KCNAB1: variants seen among roughly 807,000 people sequenced by gnomAD.
KCNAB1 encodes the protein potassium voltage-gated channel subfamily A regulatory beta subunit 1, also known as voltage-gated potassium channel subunit beta-1.
In KCNAB1, 35 loss-of-function variants were observed where a neutral mutation model predicts 64.6. The ratio of observed to expected loss-of-function variants is 0.54; its 90% CI spans 0.41 to 0.72. The LOEUF is 0.72. Among genes scored for constraint, KCNAB1 ranks in the 30% least tolerant of loss-of-function variants. KCNAB1 has a pLI of 0.00. For missense variants in KCNAB1, 401 were observed against 512.9 expected (o/e 0.78, Z 2.11); for synonymous variants, 177 against 183.8 (o/e 0.96, Z 0.30).
chr3:156,511,113 A>G (rs1559922667), intron 8 of KCNAB1, among the ~76,000 whole-genome samples: 1 of 150,724 alleles, frequency 6.6e-6, no homozygotes, highest in Non-Finnish European at 1.5e-5. Flanking sequence ...TTTATTTTTT[A>G]TTTTTTTTGA....
intron 8 of KCNAB1, among the ~76,000 whole-genome samples, chr3:156,512,511 C>G (rs964609519): frequency 1.3e-5 from 2 of 152,206 alleles, no homozygotes; most frequent in African/African-American, 2.4e-5. Flanking sequence ...ACAGCAGACA[C>G]CTAGTAGATA....
chr3:156,297,246 G>A (rs923391274), intron 1 of KCNAB1, among the ~76,000 whole-genome samples: 4 of 131,416 alleles, frequency 3.0e-5, no homozygotes, highest in African/African-American at 1.0e-4. Context: ...AACACAGTAT[G>A]TATTGAGGTT....
At chr3:156,463,809 A>G (rs1713129168) in intron 6 of KCNAB1, 63 bp downstream of exon 6, 1 of 1,335,898 alleles carries the variant, frequency 7.5e-7, no homozygotes, top group Non-Finnish European at 1.1e-6. Context: ...GCTGTTAGGC[A>G]GTTATTTTAC....
At chr3:156,267,052 C>A (rs1295997625) in intron 1 of KCNAB1, among the ~76,000 whole-genome samples, 1 of 151,858 alleles carries the variant, frequency 6.6e-6, no homozygotes, top group Non-Finnish European at 1.5e-5. Context: ...ACAATACTAA[C>A]AAAATAAAGG....
intron 1 of KCNAB1, among the ~76,000 whole-genome samples, chr3:156,391,843 T>C (rs1713065032): frequency 6.6e-6 from 1 of 152,222 alleles, no homozygotes; most frequent in Non-Finnish European, 1.5e-5. Flanking sequence ...GGCAGAGTGA[T>C]GGCACATGGG....
At chr3:156,140,948 G>A (rs1714671933) in intron 1 of KCNAB1, among the ~76,000 whole-genome samples, 1 of 152,114 alleles carries the variant, frequency 6.6e-6, no homozygotes, top group Admixed American at 6.5e-5. Context: ...TGGGAGGTGT[G>A]AGTGTGAAGC....
chr3:156,143,141 A>G (rs755902108), intron 1 of KCNAB1: 1 of 1,549,074 alleles, frequency 6.5e-7, no homozygotes, highest in Non-Finnish European at 8.7e-7. Context: ...AAAGTTAAGC[A>G]CCGTGCAATT....
intron 1 of KCNAB1, among the ~76,000 whole-genome samples, chr3:156,369,895 G>A (rs896083241): frequency 2.0e-5 from 3 of 152,140 alleles, no homozygotes; most frequent in Admixed American, 1.3e-4. Flanking sequence ...ATGGAGATTA[G>A]TTCTGAGACA....
intron 4 of KCNAB1, 55 bp downstream of exon 4, chr3:156,457,587 C>T (rs1712541152): frequency 1.4e-6 from 2 of 1,426,162 alleles, no homozygotes; most frequent in South Asian, 1.1e-5. Flanking sequence ...CCAAAAGAAT[C>T]AGCCCAGACC....
intron 12 of KCNAB1, among the ~76,000 whole-genome samples, chr3:156,527,754 G>A (rs1718423663): frequency 6.6e-6 from 1 of 152,112 alleles, no homozygotes; most frequent in Non-Finnish European, 1.5e-5. Context: ...AGAATCAAAA[G>A]GGAAATTATT....
intron 8 of KCNAB1, among the ~76,000 whole-genome samples, chr3:156,484,373 G>A (rs1715050250): frequency 1.3e-5 from 2 of 152,070 alleles, no homozygotes; most frequent in Non-Finnish European, 2.9e-5. Flanking sequence ...AGAAAAAAGA[G>A]AGAGAGAGAG....
chr3:156,500,461 G>A (rs1036829261), intron 8 of KCNAB1, among the ~76,000 whole-genome samples: 15 of 152,056 alleles, frequency 9.9e-5, no homozygotes, highest in Non-Finnish European at 1.9e-4. Context: ...ACATCAAGAA[G>A]TTAGAGACAT....
Position 156,459,872 on chromosome 3 carries a change from G to A in KCNAB1, c.482+1G>A. Reference sequence around the variant, plus strand: ...GCATCATCAAGAAGAAAGGCTGGAGGTATTGCATTCGCCATAATTATTTGT... The same window carrying A: ...GCATCATCAAGAAGAAAGGCTGGAGATATTGCATTCGCCATAATTATTTGT... On this transcript the variant is annotated splice_donor_variant, in intron 5 of 13. Transcript: ENST00000490337. LOFTEE classifies it high-confidence loss of function. 2.5e-6 allele frequency: 4 copies of A among 1,604,114 alleles called. No individual in the cohort carries two copies. The highest frequency in any genetic ancestry group is 3.4e-6 in the Non-Finnish European group (4 of 1,171,722).
rs998442902 is a variant in KCNAB1 at position 156,228,785 on chromosome 3, G to A, written c.275+107899G>A. On this transcript the variant is annotated intron_variant, in intron 1 of 13. Transcript: ENST00000490337. ...CAGCCACTATGTGATTCTCAGGATTGCTCTCCTCTTCTGACCACCCTATTT... is the reference window on the plus strand; with the variant it reads ...CAGCCACTATGTGATTCTCAGGATTACTCTCCTCTTCTGACCACCCTATTT... Among the ~76,000 whole-genome samples, 9 of 152,324 alleles carry A rather than the reference G, an allele frequency of 5.9e-5. No homozygotes were observed. In the South Asian group the frequency reaches 1.2e-3, roughly 21 times the overall value.
intron 1 of KCNAB1, among the ~76,000 whole-genome samples, chr3:156,240,709 C>G (rs1717114913): frequency 6.6e-6 from 1 of 152,158 alleles, no homozygotes; most frequent in East Asian, 1.9e-4. Flanking sequence ...AGTATATACT[C>G]AACGTTAACA....
intron 1 of KCNAB1, chr3:156,216,991 G>A (rs145769283): frequency 3.0e-4 from 46 of 152,268 alleles, no homozygotes; most frequent in African/African-American, 1.1e-3. Flanking sequence ...AACTAGAGTT[G>A]AACCGTACAA....
intron 7 of KCNAB1, among the ~76,000 whole-genome samples, chr3:156,469,815 G>C (rs1238356142): frequency 2.0e-5 from 3 of 152,208 alleles, no homozygotes; most frequent in African/African-American, 7.2e-5. Context: ...TAGGCAGGCT[G>C]AAATTAGGGA....
chr3:156,338,303 C>CTTTGTTTTTTTTTTT (rs1723860160), intron 1 of KCNAB1, among the ~76,000 whole-genome samples: 1 of 39,488 alleles, frequency 2.5e-5, no homozygotes, highest in Non-Finnish European at 4.8e-5. Context: ...GGCATTTGCA[C>CTTTGTTTTTTTTTTT]TTTTTTTTTT....
rs567811689 is a variant in KCNAB1 at position 156,231,481 on chromosome 3, C to G, written c.275+110595C>G. On this transcript the variant is annotated intron_variant, in intron 1 of 13. Coordinates refer to ENST00000490337, the MANE Select transcript of KCNAB1 (RefSeq NM_172160.3). Reference sequence around the variant, plus strand: ...TAGAGAATCCCCTTTCTTCCCTCCCCTCCCCTCCCCTCCCCTCCCTCCCTC... The same window carrying G: ...TAGAGAATCCCCTTTCTTCCCTCCCGTCCCCTCCCCTCCCCTCCCTCCCTC... 1.2e-3 allele frequency among the ~76,000 whole-genome samples: 147 copies of G among 126,514 alleles called. No homozygotes were observed. In the South Asian group the frequency reaches 0.014, roughly 12 times the overall value. 83.0% of individuals were successfully genotyped at this position (126,514 alleles called of 152,430 possible).
Sources: allele counts gnomAD v4.1 joint callset (sites outside exome capture counted in the v4.1 genomes callset), GRCh38; gene constraint gnomAD v4.1.1; transcripts MANE v1.5; gene names NCBI Gene and HGNC (gene_info 2026-07-23, HGNC 2026-07-21).